ZCCHC4: variants seen among roughly 807,000 people sequenced by gnomAD.
The protein encoded by ZCCHC4 is zinc finger CCHC-type containing 4.
In ZCCHC4, 54 loss-of-function variants were observed where a neutral mutation model predicts 67.7. The observed-to-expected ratio is 0.80, with a 90% CI of 0.64 to 1.00. The LOEUF (loss-of-function observed/expected upper bound fraction) is 1.00. Among genes scored for constraint, ZCCHC4 ranks in the 50% least tolerant of loss-of-function variants. The pLI is 0.00. For missense variants in ZCCHC4, 609 were observed against 617.0 expected, an observed-to-expected ratio of 0.99 and a Z score of 0.14; for synonymous variants, 198 against 213.5, an observed-to-expected ratio of 0.93 and a Z score of 0.63.
At chr4:25,354,817 T>C (rs557303396) in intron 8 of ZCCHC4, among the ~76,000 whole-genome samples, 1 of 151,808 alleles carries the variant, frequency 6.6e-6, no homozygotes, top group East Asian at 1.9e-4. Flanking sequence ...TTTGTGGTAC[T>C]TTTTTTTCTT....
intron 8 of ZCCHC4, among the ~76,000 whole-genome samples, chr4:25,357,942 C>T (rs1328290481): frequency 1.3e-5 from 2 of 152,172 alleles, no homozygotes; most frequent in Non-Finnish European, 2.9e-5. Context: ...TCCCAGGTGA[C>T]ACTGATATTG....
rs1398387429 is a variant in ZCCHC4 at position 25,363,946 on chromosome 4, T to TA, written c.1210-507dup. 1.5e-4 allele frequency among the ~76,000 whole-genome samples: 23 copies of TA among 152,350 alleles called. 1 individual carries two copies. Among genetic ancestry groups the TA allele is most frequent in the African/African-American group, 5.5e-4 (23 of 41,576 alleles). ...TATTTTTTCTTGACCTGGTGGGTTTTATCCGTGTTTGCTTTACAATACTCA... is the reference window on the plus strand; with the variant it reads ...TATTTTTTCTTGACCTGGTGGGTTTTAATCCGTGTTTGCTTTACAATACTCA... On this transcript the variant is annotated intron_variant, in intron 10 of 12. Coordinates refer to ENST00000302874, the MANE Select transcript of ZCCHC4 (RefSeq NM_024936.3).
chr4:25,318,214 A>G (rs1412363289), intron 3 of ZCCHC4, among the ~76,000 whole-genome samples: 1 of 152,008 alleles, frequency 6.6e-6, no homozygotes, highest in Non-Finnish European at 1.5e-5. Flanking sequence ...TTTATCTGAT[A>G]AGCATGTTTC....
chr4:25,316,171 C>A (rs1005165122), intron 3 of ZCCHC4, among the ~76,000 whole-genome samples: 1 of 152,198 alleles, frequency 6.6e-6, no homozygotes, highest in Non-Finnish European at 1.5e-5. Flanking sequence ...TTCCTTTTTA[C>A]AACTGAATAA....
intron 8 of ZCCHC4, among the ~76,000 whole-genome samples, chr4:25,356,342 G>A (rs1455847855): frequency 6.6e-6 from 1 of 152,142 alleles, no homozygotes; most frequent in Non-Finnish European, 1.5e-5. Flanking sequence ...TTATTTGTGT[G>A]GCTGAAGCTA....
intron 8 of ZCCHC4, among the ~76,000 whole-genome samples, chr4:25,358,353 C>G (rs1474265769): frequency 6.6e-6 from 1 of 152,160 alleles, no homozygotes; most frequent in African/African-American, 2.4e-5. Flanking sequence ...TAAGATGACA[C>G]AGAGCAAATT....
intron 3 of ZCCHC4, among the ~76,000 whole-genome samples, chr4:25,324,014 G>GTTTTTTTTTTTTTTTT (rs71188998): frequency 0.084 from 6,933 of 82,058 alleles, 1,444 homozygotes; most frequent in Middle Eastern, 0.1. Context: ...TGTTTTTTGT[G>GTTTTTTTTTTTTTTTT]TTTTTTTTTT....
chr4:25,314,410 G>A (rs1401200296), intron 2 of ZCCHC4, among the ~76,000 whole-genome samples: 1 of 152,170 alleles, frequency 6.6e-6, no homozygotes, highest in Non-Finnish European at 1.5e-5. Flanking sequence ...ATTGGGTGGG[G>A]CTGATCTTCT....
At chr4:25,348,316 AT>A (rs1349470337) in intron 6 of ZCCHC4, among the ~76,000 whole-genome samples, 1 of 152,178 alleles carries the variant, frequency 6.6e-6, no homozygotes, top group Non-Finnish European at 1.5e-5. Flanking sequence ...AACAAAATAT[AT>A]TTTATTATAA....
At position 25,312,908 on chromosome 4, in the gene ZCCHC4, T is replaced by G. The variant is rs993928682; in HGVS notation, c.99T>G (p.Pro33=). Residue 33 remains proline, a synonymous_variant, in exon 1 of 13, where the codon CCT becomes CCG. Transcript: ENST00000302874. ...TGGAGGTGGTGCTTCCTTTGGATCC[T>G]GCCGTCCCCGCCCCGCTGTGCCCTC... ...SGMEVVLPLD[P]AVPAPLCPHG... 14 of 1,612,574 alleles carry G rather than the reference T, an allele frequency of 8.7e-6. No individual in the cohort carries two copies. In the Admixed American group the frequency reaches 1.3e-4, roughly 15 times the overall value.
chr4:25,340,368 T>C (rs1325642474), intron 5 of ZCCHC4, among the ~76,000 whole-genome samples: 1 of 152,228 alleles, frequency 6.6e-6, no homozygotes, highest in Admixed American at 6.5e-5. Flanking sequence ...CCCATCCCTA[T>C]GCCACTCTTA....
Position 25,315,410 on chromosome 4 carries a change from C to T in ZCCHC4, c.329+10C>T. On this transcript the variant is annotated intron_variant, in intron 3 of 12. Transcript: ENST00000302874. ...CGCAGTGTGTGGAAAGGTACTGATGCAGTGTCATTTTTCTTTATTAGTTTA... is the reference window on the plus strand; with the variant it reads ...CGCAGTGTGTGGAAAGGTACTGATGTAGTGTCATTTTTCTTTATTAGTTTA... 2 of 1,575,454 alleles carry T rather than the reference C, an allele frequency of 1.3e-6. No homozygotes were observed. The highest frequency in any genetic ancestry group is 1.8e-5 in the Admixed American group (1 of 54,730).
chr4:25,326,756 T>C (rs1718902920), intron 3 of ZCCHC4, among the ~76,000 whole-genome samples: 1 of 152,194 alleles, frequency 6.6e-6, no homozygotes, highest in African/African-American at 2.4e-5. Flanking sequence ...ATTGAGAGTG[T>C]GTTGATTTTA....
intron 4 of ZCCHC4, 103 bp downstream of exon 4, chr4:25,333,561 G>C: frequency 7.9e-7 from 1 of 1,259,728 alleles, no homozygotes; most frequent in South Asian, 1.4e-5. Flanking sequence ...ATAGCATGAA[G>C]CTTTGAGTAT....
At chr4:25,327,088 G>A (rs1718919317) in intron 3 of ZCCHC4, among the ~76,000 whole-genome samples, 1 of 152,170 alleles carries the variant, frequency 6.6e-6, no homozygotes, top group African/African-American at 2.4e-5. Context: ...CAGGCTTTTT[G>A]AAGATTTCCT....
chr4:25,324,014 GTTTT>G (rs71188998), intron 3 of ZCCHC4, among the ~76,000 whole-genome samples: 2 of 82,448 alleles, frequency 2.4e-5, no homozygotes, highest in African/African-American at 1.0e-4. Flanking sequence ...TGTTTTTTGT[GTTTT>G]TTTTTTTTTT....
chr4:25,365,540 A>G (rs757883141), intron 12 of ZCCHC4: 14 of 993,786 alleles, frequency 1.4e-5, no homozygotes, highest in Non-Finnish European at 1.7e-5. Context: ...ACATGATGGC[A>G]GGAAAGGCTG....
chr4:25,330,884 T>G (rs954231865), intron 3 of ZCCHC4, among the ~76,000 whole-genome samples: 2 of 152,194 alleles, frequency 1.3e-5, no homozygotes, highest in Non-Finnish European at 2.9e-5. Context: ...TTTCTGCATG[T>G]GCACATGCTG....
In ZCCHC4 at chr4:25,369,016, C is replaced by T. The variant is rs750694113; in HGVS notation, c.1407-13C>T. 1 of 1,601,794 alleles carries T rather than the reference C, an allele frequency of 6.2e-7. No individual in the cohort carries two copies. Among genetic ancestry groups the T allele is most frequent in the Non-Finnish European group, 8.5e-7 (1 of 1,177,110 alleles). On this transcript the variant is annotated splice_polypyrimidine_tract_variant and intron_variant, in intron 12 of 12. Transcript: ENST00000302874. ...GCTCATTCTGTGAAATAATTTAGCA[C>T]CTTGTTTTCCAGAGCTGTCAGAAAG...
Sources: allele counts gnomAD v4.1 joint callset (sites outside exome capture counted in the v4.1 genomes callset), GRCh38; gene constraint gnomAD v4.1.1; transcripts MANE v1.5; gene names NCBI Gene and HGNC (gene_info 2026-07-23, HGNC 2026-07-21).